The following PPP2R3A variants were observed in gnomAD, a reference collection of about 807,000 sequenced individuals.
PPP2R3A encodes protein phosphatase 2 regulatory subunit B''alpha, also known as serine/threonine-protein phosphatase 2A regulatory subunit B'' subunit alpha.
A neutral mutation model predicts 106.9 loss-of-function variants in PPP2R3A; 80 were observed. The observed-to-expected ratio is 0.75, with a 90% CI of 0.62 to 0.90. PPP2R3A has a LOEUF of 0.90. Ranked by LOEUF, PPP2R3A falls within the 40% of genes least tolerant of loss-of-function variation. The probability of loss-of-function intolerance (pLI) is 0.00; values close to 1 mark genes in which losing one functional copy is unlikely to be tolerated. For synonymous variants in PPP2R3A, 483 were observed against 468.3 expected, an observed-to-expected ratio of 1.03 and a Z score of -0.41; for missense variants, 1,386 against 1,350.4, an observed-to-expected ratio of 1.03 and a Z score of -0.41.
intron 13 of PPP2R3A, among the ~76,000 whole-genome samples, chr3:136,136,707 C>T (rs1250668617): frequency 6.6e-6 from 1 of 152,162 alleles, no homozygotes; most frequent in Non-Finnish European, 1.5e-5. Context: ...CAGCCACCCT[C>T]ACTACAAGGA....
intron 9 of PPP2R3A, among the ~76,000 whole-genome samples, chr3:136,089,547 A>G (rs1473338265): frequency 1.3e-5 from 2 of 150,174 alleles, no homozygotes; most frequent in Admixed American, 6.6e-5. Context: ...TTTGCTTAAG[A>G]TTGCTTTAGC....
intron 7 of PPP2R3A, among the ~76,000 whole-genome samples, 167 bp downstream of exon 7, chr3:136,078,620 G>A (rs551884056): frequency 9.3e-5 from 14 of 151,120 alleles, no homozygotes; most frequent in African/African-American, 2.7e-4. Context: ...TTGGGTGAGG[G>A]GGTAAAAATG....
chr3:136,144,671 AAG>A (rs536647577), intron 13 of PPP2R3A, among the ~76,000 whole-genome samples: 2 of 149,874 alleles, frequency 1.3e-5, no homozygotes, highest in African/African-American at 2.5e-5. Context: ...AAAAAAAAAA[AAG>A]GTTTGCCACT....
At chr3:136,098,528 C>G (rs543092334) in intron 10 of PPP2R3A, among the ~76,000 whole-genome samples, 1 of 152,290 alleles carries the variant, frequency 6.6e-6, no homozygotes, top group East Asian at 1.9e-4. Context: ...GGTTTCAGGC[C>G]TACAAGTGGG....
In PPP2R3A at chr3:136,002,152, T is replaced by G. The variant is rs372870089; in HGVS notation, c.654T>G (p.His218Gln). 1 of 1,613,664 alleles carries G rather than the reference T, an allele frequency of 6.2e-7. No homozygotes were observed. The highest frequency in any genetic ancestry group is 2.2e-5 in the East Asian group (1 of 44,870). Residue 218 changes from histidine (H) to glutamine (Q), a missense_variant, in exon 2 of 14, where the codon CAT becomes CAG. His to Gln is a conservative substitution (Grantham distance 24). Transcript: ENST00000264977. ...TGGTTACTCAGATTTTGGAAAAACA[T>G]AAAATAGATAATTTTTCTTCTGGGA... ...EDLVTQILEK[H>Q]KIDNFSSGTD... is the part of the protein sequence containing the mutation.
intron 13 of PPP2R3A, among the ~76,000 whole-genome samples, chr3:136,142,747 A>C (rs1340049336): frequency 6.6e-6 from 1 of 152,218 alleles, no homozygotes; most frequent in Non-Finnish European, 1.5e-5. Flanking sequence ...ACTTAGCAAC[A>C]GGAGTTCAAA....
At chr3:136,060,880 A>G (rs1010142911) in intron 5 of PPP2R3A, among the ~76,000 whole-genome samples, 2 of 152,194 alleles carry the variant, frequency 1.3e-5, no homozygotes, top group South Asian at 2.1e-4. Context: ...TTGCTAAGAC[A>G]GTAGATTTTG....
chr3:136,002,565 A>C lies in PPP2R3A; in HGVS notation c.1067A>C (p.Asp356Ala). Reference sequence around the variant, plus strand: ...TTTCAAACTATTGAATTGCAAAATGACAAGCCTAATTCTAGGAAGATGGAC... The same window carrying C: ...TTTCAAACTATTGAATTGCAAAATGCCAAGCCTAATTCTAGGAAGATGGAC... Reference protein sequence around the residue: ...GRFQTIELQNDKPNSRKMDTV... With the variant: ...GRFQTIELQNAKPNSRKMDTV... Residue 356 changes from aspartate (D) to alanine (A), a missense_variant, in exon 2 of 14, where the codon GAC (aspartate) becomes GCC (alanine). Coordinates refer to ENST00000264977, the MANE Select transcript of PPP2R3A (RefSeq NM_002718.5). The C allele has an allele frequency of 6.2e-7, 1 of 1,613,938 alleles. No homozygotes were observed. The highest frequency in any genetic ancestry group is 2.2e-5 in the East Asian group (1 of 44,872).
Position 136,093,125 on chromosome 3 carries a change from T to TTGGC in PPP2R3A, c.2927+2462_2927+2465dup, listed in dbSNP as rs201862325. Among the ~76,000 whole-genome samples the TTGGC allele has an allele frequency of 9.1e-4, 139 of 152,348 alleles. No homozygotes were observed. In the East Asian group the frequency reaches 0.013, roughly 14 times the overall value. On this transcript the variant is annotated intron_variant, in intron 10 of 13. Coordinates refer to ENST00000264977, the MANE Select transcript of PPP2R3A (RefSeq NM_002718.5). ...TGGACTTCATCAAAATTTTAAATTT[T>TTGGC]TGGCTGGATGTGATGACTCATGCCA...
At chr3:136,127,051 A>T (rs1303260427) in intron 13 of PPP2R3A, among the ~76,000 whole-genome samples, 1 of 152,184 alleles carries the variant, frequency 6.6e-6, no homozygotes, top group Non-Finnish European at 1.5e-5. Flanking sequence ...AACCACAAAG[A>T]TGGGGAGAAA....
rs910399160 is a variant in PPP2R3A, at chr3:135,979,105, G to A, written c.-441+13256G>A. ...TTTTAAAATATTTATTTGGCCAGGC[G>A]TGGTGGCTCATGCCTGTAATCCCAG... is the stretch of plus-strand genomic sequence containing the variant. On this transcript the variant is annotated intron_variant, in intron 1 of 13. Coordinates refer to ENST00000264977, the MANE Select transcript of PPP2R3A (RefSeq NM_002718.5). 2.4e-4 allele frequency among the ~76,000 whole-genome samples: 37 copies of A among 151,898 alleles called. 2 individuals are homozygous for A. Among genetic ancestry groups the A allele is most frequent in the African/African-American group, 7.5e-4 (31 of 41,226 alleles).
chr3:136,137,770 T>G (rs759416855), intron 13 of PPP2R3A, among the ~76,000 whole-genome samples: 1 of 152,068 alleles, frequency 6.6e-6, no homozygotes, highest in Non-Finnish European at 1.5e-5. Context: ...CTCGATCTCC[T>G]GACCTCGTGA....
chr3:136,117,033 A>ACTAT (rs1559929744), intron 13 of PPP2R3A, among the ~76,000 whole-genome samples: 1 of 152,164 alleles, frequency 6.6e-6, no homozygotes, highest in Non-Finnish European at 1.5e-5. Flanking sequence ...ATCACAACAA[A>ACTAT]CTATCTCTCA....
intron 2 of PPP2R3A, among the ~76,000 whole-genome samples, chr3:136,010,489 G>A (rs1934025826): frequency 7.0e-6 from 1 of 143,394 alleles, no homozygotes; most frequent in African/African-American, 2.6e-5. Flanking sequence ...TGCAGTGGCG[G>A]GATCTCGGCT....
chr3:135,976,961 T>G (rs1473593342), intron 1 of PPP2R3A, among the ~76,000 whole-genome samples: 3 of 152,170 alleles, frequency 2.0e-5, no homozygotes, highest in Non-Finnish European at 4.4e-5. Context: ...GTGCATAAGT[T>G]GGTTTTAGGA....
At chr3:136,059,193 A>AACAG (rs1214675592) in intron 5 of PPP2R3A, among the ~76,000 whole-genome samples, 1 of 152,124 alleles carries the variant, frequency 6.6e-6, no homozygotes, top group African/African-American at 2.4e-5. Context: ...CAACAGACTA[A>AACAG]ACAGACAGCC....
chr3:136,092,090 A>T (rs1937106308), intron 10 of PPP2R3A, among the ~76,000 whole-genome samples: 1 of 152,150 alleles, frequency 6.6e-6, no homozygotes, highest in African/African-American at 2.4e-5. Flanking sequence ...GCACTTTGGG[A>T]GGCCGAGGTG....
intron 1 of PPP2R3A, among the ~76,000 whole-genome samples, chr3:135,971,850 C>T (rs1271743602): frequency 6.6e-6 from 1 of 152,070 alleles, no homozygotes; most frequent in Admixed American, 6.6e-5. Context: ...AGGCAAAAGT[C>T]CATTACCAAG....
intron 13 of PPP2R3A, among the ~76,000 whole-genome samples, chr3:136,136,073 A>T (rs1385482035): frequency 0.085 from 1,511 of 17,760 alleles, 124 homozygotes; most frequent in African/African-American, 0.13. Context: ...AAAAAAAAAA[A>T]TTATATATAT....
Sources: allele counts gnomAD v4.1 joint callset (sites outside exome capture counted in the v4.1 genomes callset), GRCh38; gene constraint gnomAD v4.1.1; transcripts MANE v1.5; gene names NCBI Gene and HGNC (gene_info 2026-07-23, HGNC 2026-07-21).